Variants in TUBGCP3 observed in about 807,000 individuals in gnomAD.
TUBGCP3 encodes tubulin gamma complex component 3.
Under a neutral mutation model 123.1 loss-of-function variants are expected in TUBGCP3, and 50 were observed. That is an observed-to-expected ratio of 0.41 (90% CI 0.32 to 0.51). TUBGCP3 has a LOEUF of 0.51. TUBGCP3 is among the 20% of genes least tolerant of loss of function. The pLI, the probability that TUBGCP3 is intolerant of heterozygous loss-of-function variation, is 0.36. For synonymous variants in TUBGCP3, 405 were observed against 413.9 expected (o/e 0.98, Z 0.26); for missense variants, 882 against 1,127.0 (o/e 0.78, Z 3.11).
rs936637208 is a variant in TUBGCP3, at chr13:112,515,545, G to A, written c.2086+895C>T. Among the ~76,000 whole-genome samples, 4 of 152,170 alleles carry A rather than the reference G, an allele frequency of 2.6e-5. No individual in the cohort carries two copies. The South Asian group carries it at 6.2e-4, about 24-fold the overall frequency. Reference sequence around the variant, plus strand: ...GGCGTGCATGCAGCCCTCTCAGCACGGCCCTCCTCCCGCCTCCCGTCCAGT... The same window carrying A: ...GGCGTGCATGCAGCCCTCTCAGCACAGCCCTCCTCCCGCCTCCCGTCCAGT... On this transcript the variant is annotated intron_variant, in intron 17 of 21. Coordinates refer to ENST00000261965, the MANE Select transcript of TUBGCP3 (RefSeq NM_006322.6).
chr13:112,494,380 G>A (rs920200386), intron 20 of TUBGCP3, among the ~76,000 whole-genome samples: 1 of 152,240 alleles, frequency 6.6e-6, no homozygotes, highest in African/African-American at 2.4e-5. Context: ...ATTTGTTGGT[G>A]TATGCCTTTA....
chr13:112,592,446 C>T (rs1401933908), upstream of TUBGCP3, among the ~76,000 whole-genome samples: 1 of 152,110 alleles, frequency 6.6e-6, no homozygotes, highest in Non-Finnish European at 1.5e-5. The surrounding 1 kb of genome is among the most constrained non-coding windows in gnomAD (Gnocchi z 4.1). Flanking sequence ...GTGCCAGCCC[C>T]CACCCTGGTG....
At chr13:112,574,727 C>T (rs966978592) in intron 1 of TUBGCP3, among the ~76,000 whole-genome samples, 5 of 152,210 alleles carry the variant, frequency 3.3e-5, no homozygotes, top group African/African-American at 1.2e-4. Context: ...AGACTCTGAA[C>T]AATGGGTAAG....
At chr13:112,543,461 A>G (rs996605881) in intron 11 of TUBGCP3, among the ~76,000 whole-genome samples, 1 of 152,246 alleles carries the variant, frequency 6.6e-6, no homozygotes, top group African/African-American at 2.4e-5. Flanking sequence ...AGAACTTTTA[A>G]CGGAATTGAC....
At chr13:112,534,730 C>G (rs1877901671) in intron 11 of TUBGCP3, among the ~76,000 whole-genome samples, 1 of 152,186 alleles carries the variant, frequency 6.6e-6, no homozygotes, top group African/African-American at 2.4e-5. Context: ...CCGTAGCCGG[C>G]ATCCCTCACC....
chr13:112,515,278 C>T (rs941009416), intron 17 of TUBGCP3, among the ~76,000 whole-genome samples: 5 of 152,258 alleles, frequency 3.3e-5, no homozygotes, highest in African/African-American at 9.6e-5. Flanking sequence ...CTTATTTTGA[C>T]GTGTGACAAT....
intron 14 of TUBGCP3, among the ~76,000 whole-genome samples, chr13:112,520,443 C>T (rs145800110): frequency 2.6e-3 from 395 of 152,100 alleles, no homozygotes; most frequent in African/African-American, 8.9e-3. Context: ...GCAGGAGAAT[C>T]GCTTGAACCC....
At chr13:112,585,543 G>A (rs1413010342) in intron 1 of TUBGCP3, among the ~76,000 whole-genome samples, 6 of 151,804 alleles carry the variant, frequency 4.0e-5, no homozygotes, top group African/African-American at 1.5e-4. Flanking sequence ...AGGGGGGTGG[G>A]GTGCAGATCA....
At chr13:112,527,230 T>G (rs1452836586) in intron 12 of TUBGCP3, 144 bp downstream of exon 12, 1 of 715,996 alleles carries the variant, frequency 1.4e-6, no homozygotes, top group African/African-American at 1.8e-5. Context: ...ACTGATGTAT[T>G]CAATTAACAT....
At chr13:112,566,914 C>G (rs1296675990) in intron 2 of TUBGCP3, among the ~76,000 whole-genome samples, 1 of 152,224 alleles carries the variant, frequency 6.6e-6, no homozygotes, top group Non-Finnish European at 1.5e-5. Context: ...AACATACTAG[C>G]ACTTTATATT....
chr13:112,555,057 C>T (rs1283117639), intron 6 of TUBGCP3, 52 bp from the exon 7 acceptor site: 1 of 1,168,478 alleles, frequency 8.6e-7, no homozygotes, highest in Admixed American at 2.2e-5. Context: ...TTTTAACAGA[C>T]AATAGATATT....
chr13:112,526,681 A>G (rs979849235), intron 13 of TUBGCP3, among the ~76,000 whole-genome samples: 1 of 149,176 alleles, frequency 6.7e-6, no homozygotes, highest in African/African-American at 2.5e-5. Context: ...TCACATCACC[A>G]TCATCACACC....
intron 19 of TUBGCP3, among the ~76,000 whole-genome samples, chr13:112,500,894 C>G (rs1219751848): frequency 6.6e-6 from 1 of 152,224 alleles, no homozygotes; most frequent in African/African-American, 2.4e-5. Flanking sequence ...TAAGTCACAG[C>G]AGCACCGTTC....
the TUBGCP3 span, chr13:112,604,834 CATATTTTTCT>C: frequency 6.6e-6 from 1 of 152,142 alleles, no homozygotes; most frequent in Non-Finnish European, 1.5e-5. Context: ...TATCATATCT[CATATTTTTCT>C]ATGTCATCAA....
upstream of TUBGCP3, among the ~76,000 whole-genome samples, chr13:112,591,279 T>C (rs1398177416): frequency 6.6e-6 from 1 of 152,190 alleles, no homozygotes; most frequent in East Asian, 1.9e-4. Flanking sequence ...AAATTGGTGA[T>C]CTAAAACTAA....
At chr13:112,537,148 T>TAGA (rs1878130122) in intron 11 of TUBGCP3, among the ~76,000 whole-genome samples, 1 of 109,070 alleles carries the variant, frequency 9.2e-6, no homozygotes, top group Admixed American at 9.8e-5. Flanking sequence ...TTTTTTTTTT[T>TAGA]AAAAAAAAAA....
At chr13:112,533,915 C>T (rs1269924995) in intron 11 of TUBGCP3, among the ~76,000 whole-genome samples, 1 of 151,364 alleles carries the variant, frequency 6.6e-6, no homozygotes, top group Non-Finnish European at 1.5e-5. Flanking sequence ...ACCCATCACC[C>T]GAGCAGTGTA....
Position 112,522,455 on chromosome 13 carries a change from G to A in TUBGCP3, c.1610C>T (p.Ala537Val). Residue 537 changes from alanine to valine, a missense_variant, in exon 14 of 22, where the codon GCT (alanine) becomes GTT (valine). Ala to Val is a moderately conservative substitution (Grantham distance 64). This residue lies in a region of TUBGCP3 where 713 missense variants were observed against 874.0 expected (regional missense o/e 0.82). Coordinates refer to ENST00000261965, the MANE Select transcript of TUBGCP3 (RefSeq NM_006322.6). Reference protein sequence around the residue: ...ENAFQGKIDAAYFETSKYLLD... With the variant: ...ENAFQGKIDAVYFETSKYLLD... ...CAGGTATTTGCTGGTCTCAAAATAA[G>A]CAGCATCAATCTTCCCCTGAAATGC... 1.9e-6 allele frequency: 3 copies of A among 1,614,018 alleles called. No individual in the cohort carries two copies. The highest frequency in any genetic ancestry group is 2.2e-5 in the East Asian group (1 of 44,892).
intron 1 of TUBGCP3, among the ~76,000 whole-genome samples, chr13:112,573,487 G>A (rs1881575339): frequency 6.6e-6 from 1 of 152,112 alleles, no homozygotes; most frequent in Admixed American, 6.5e-5. Context: ...GAAGGGCCTT[G>A]GAAGTTACAT....
Sources: gnomAD v4.1 joint callset for allele counts (sites outside exome capture counted in the v4.1 genomes callset) on GRCh38, gnomAD v4.1.1 for gene constraint, gnomAD v4.1.1 regional missense constraint, Gnocchi (gnomAD v3.1) non-coding constraint, MANE v1.5 for transcripts, NCBI Gene and HGNC (gene_info 2026-07-23, HGNC 2026-07-21) for gene names.